Variants in MCPH1 observed in about 807,000 individuals in gnomAD.
MCPH1 encodes microcephalin 1, also known as microcephalin.
Under a neutral mutation model 84.5 loss-of-function variants are expected in MCPH1, and 104 were observed. That is an observed-to-expected ratio of 1.23 (90% CI 1.05 to 1.45). The LOEUF (loss-of-function observed/expected upper bound fraction) is 1.45. Ranked by LOEUF, MCPH1 falls within the 40% of genes most tolerant of loss-of-function variation. MCPH1 has a pLI of 0.00. For synonymous variants in MCPH1, 514 were observed against 366.8 expected, an observed-to-expected ratio of 1.40 and a Z score of -4.58; for missense variants, 1,498 against 1,005.7, an observed-to-expected ratio of 1.49 and a Z score of -6.62.
At chr8:6,638,149 A>T (rs953640874) in intron 13 of MCPH1, among the ~76,000 whole-genome samples, 2 of 152,072 alleles carry the variant, frequency 1.3e-5, no homozygotes, top group Non-Finnish European at 2.9e-5. Context: ...GCTCATTATG[A>T]GAAACGACTC....
intron 12 of MCPH1, among the ~76,000 whole-genome samples, chr8:6,599,781 A>T (rs1297739062): frequency 6.6e-6 from 1 of 152,200 alleles, no homozygotes; most frequent in East Asian, 1.9e-4. Flanking sequence ...ATTAGAGATT[A>T]TGTGTATTTT....
Position 6,455,195 on chromosome 8 carries a change from C to G in MCPH1, c.1878C>G (p.Gly626=). Residue 626 remains glycine (G), a synonymous_variant, in exon 9 of 14, where the codon GGC becomes GGG. Transcript: ENST00000344683. Reference sequence around the variant, plus strand: ...ATGTTTTAGATGACTCATGTGACGGCTTTAAGGACCTCATCAAACCTCATG... The same window carrying G: ...ATGTTTTAGATGACTCATGTGACGGGTTTAAGGACCTCATCAAACCTCATG... The part of the protein sequence containing the change: ...RHDVLDDSCD[G]FKDLIKPHEE... The G allele has an allele frequency of 6.2e-7, 1 of 1,613,996 alleles. No homozygotes were observed. The highest frequency in any genetic ancestry group is 8.5e-7 in the Non-Finnish European group (1 of 1,179,958).
chr8:6,526,257 TAAAAAAAAAAAA>T (rs35519559), intron 12 of MCPH1, among the ~76,000 whole-genome samples: 782 of 77,502 alleles, frequency 0.01, 5 homozygotes, highest in Non-Finnish European at 0.014. Flanking sequence ...TTGCCTCTAC[TAAAAAAAAAAAA>T]AAAAAAAAAA....
chr8:6,418,542 C>A (rs2442536), intron 3 of MCPH1, among the ~76,000 whole-genome samples: 99,162 of 152,064 alleles, frequency 0.65, 36,134 homozygotes, highest in Non-Finnish European at 0.79. Flanking sequence ...TTCCCTTCAA[C>A]ATTATTTGAT....
chr8:6,512,900 G>T (rs1299983495), intron 12 of MCPH1, among the ~76,000 whole-genome samples: 1 of 152,150 alleles, frequency 6.6e-6, no homozygotes, highest in Non-Finnish European at 1.5e-5. Context: ...ACCTAACTCT[G>T]CCATCTCTAA....
intron 3 of MCPH1, among the ~76,000 whole-genome samples, chr8:6,421,616 A>C (rs1483073988): frequency 6.6e-6 from 1 of 152,182 alleles, no homozygotes; most frequent in Non-Finnish European, 1.5e-5. Context: ...AGTATCCATA[A>C]ATACCGTTTT....
At chr8:6,609,022 C>T (rs1041957873) in intron 12 of MCPH1, among the ~76,000 whole-genome samples, 1 of 152,164 alleles carries the variant, frequency 6.6e-6, no homozygotes, top group Non-Finnish European at 1.5e-5. Flanking sequence ...CTGGGGGTGG[C>T]CCTGCCCAAA....
chr8:6,591,264 A>T (rs1286029109), intron 12 of MCPH1, among the ~76,000 whole-genome samples: 1 of 152,206 alleles, frequency 6.6e-6, no homozygotes, highest in Non-Finnish European at 1.5e-5. Flanking sequence ...AATCACTGTC[A>T]TTGGCTACAT....
At chr8:6,526,918 TTTTA>T (rs1360953459) in intron 12 of MCPH1, among the ~76,000 whole-genome samples, 1 of 152,152 alleles carries the variant, frequency 6.6e-6, no homozygotes, top group Admixed American at 6.5e-5. Context: ...TTTTTCTATA[TTTTA>T]TTTAAATATT....
In MCPH1 at chr8:6,538,014, A is replaced by T. The variant is rs74553607; in HGVS notation, c.2214+38085A>T. ...AGACCTTGAATTTTCTGGTAAATTA[A>T]CAAATAATTTGAGATTTCCTTGGAA... On this transcript the variant is annotated intron_variant, in intron 12 of 13. Coordinates refer to ENST00000344683, the MANE Select transcript of MCPH1 (RefSeq NM_024596.5). Among the ~76,000 whole-genome samples the T allele has an allele frequency of 8.2e-4, 125 of 152,308 alleles. 2 individuals carry two copies. In the East Asian group the frequency reaches 0.024, roughly 29 times the overall value.
chr8:6,625,446 G>A (rs1469186298), intron 13 of MCPH1: 2 of 985,132 alleles, frequency 2.0e-6, no homozygotes, highest in African/African-American at 3.5e-5. Context: ...TCTGGACAAT[G>A]TTTCATTCTC....
chr8:6,548,222 C>G (rs888833837), intron 12 of MCPH1, among the ~76,000 whole-genome samples: 4 of 152,096 alleles, frequency 2.6e-5, no homozygotes, highest in African/African-American at 9.7e-5. Flanking sequence ...AAGTTAGAAC[C>G]TACGTGAAGG....
intron 12 of MCPH1, among the ~76,000 whole-genome samples, chr8:6,564,074 C>T (rs140647795): frequency 1.1e-3 from 165 of 151,042 alleles, no homozygotes; most frequent in African/African-American, 3.7e-3. Context: ...CTCCGCCTTC[C>T]GGGTTCAAGT....
At chr8:6,446,650 A>T (rs1441051823) in intron 8 of MCPH1, 1 of 982,456 alleles carries the variant, frequency 1.0e-6, no homozygotes, top group African/African-American at 1.7e-5. Flanking sequence ...AAAACAATAG[A>T]TGTGTAAAAT....
At position 6,648,279 on chromosome 8, in the gene MCPH1, A is replaced by C. The variant is rs567974985; in HGVS notation, c.*5230A>C. The C allele has an allele frequency of 6.6e-6, 1 of 152,394 alleles. No individual in the cohort carries two copies. The highest frequency in any genetic ancestry group is 2.4e-5 in the African/African-American group (1 of 41,586). 9.4% of individuals were successfully genotyped at this position (152,394 alleles called of 1,614,324 possible). A position where few individuals can be genotyped will look rare whatever the true frequency, so the allele number is the denominator to read the frequency against. ...CTCCACAGTGGCCAGAAGGTTTTCC[A>C]TACCTGAGCCTGCTTCTACCCACTT... On this transcript the variant is annotated 3_prime_UTR_variant, in exon 14 of 14. Transcript: ENST00000344683.
intron 2 of MCPH1, among the ~76,000 whole-genome samples, chr8:6,413,601 T>C (rs2129551436): frequency 6.6e-6 from 1 of 152,198 alleles, no homozygotes; most frequent in East Asian, 1.9e-4. Context: ...TTCTGGTTCT[T>C]CTCTTCTACT....
At chr8:6,460,594 T>C (rs1173758523) in intron 9 of MCPH1, among the ~76,000 whole-genome samples, 2 of 152,218 alleles carry the variant, frequency 1.3e-5, no homozygotes, top group Non-Finnish European at 2.9e-5. Flanking sequence ...ATATTATGCA[T>C]ATTTCTTTTG....
chr8:6,633,917 G>T (rs1797347795), intron 13 of MCPH1, among the ~76,000 whole-genome samples: 1 of 152,064 alleles, frequency 6.6e-6, no homozygotes, highest in Admixed American at 6.5e-5. Context: ...TTTATCAATA[G>T]CACAAACAGT....
chr8:6,554,004 C>T (rs1824146972), intron 12 of MCPH1, among the ~76,000 whole-genome samples: 1 of 151,738 alleles, frequency 6.6e-6, no homozygotes, highest in African/African-American at 2.4e-5. Context: ...GAGACGAGCG[C>T]ACAACTCAGG....
Sources: gnomAD v4.1 joint callset for allele counts (sites outside exome capture counted in the v4.1 genomes callset) on GRCh38, gnomAD v4.1.1 for gene constraint, MANE v1.5 for transcripts, NCBI Gene and HGNC (gene_info 2026-07-23, HGNC 2026-07-21) for gene names.